PIKFYVE: variants seen among roughly 807,000 people sequenced by gnomAD.
PIKFYVE encodes 1-phosphatidylinositol 3-phosphate 5-kinase.
In PIKFYVE, 122 loss-of-function variants were observed where a neutral mutation model predicts 257.9. That is an observed-to-expected ratio of 0.47 (90% CI 0.41 to 0.55). The LOEUF is 0.55. Among genes scored for constraint, PIKFYVE ranks in the 20% least tolerant of loss-of-function variants. The pLI, the probability that PIKFYVE is intolerant of heterozygous loss-of-function variation, is 0.00. For missense variants in PIKFYVE, 2,160 were observed against 2,536.6 expected (o/e 0.85, Z 3.19); for synonymous variants, 892 against 868.9 (o/e 1.03, Z -0.47).
At chr2:208,291,368 G>GT (rs1263895393) in intron 7 of PIKFYVE, among the ~76,000 whole-genome samples, 1 of 152,058 alleles carries the variant, frequency 6.6e-6, no homozygotes, top group Admixed American at 6.6e-5. Flanking sequence ...GGTTTATATA[G>GT]TTTTTTATAC....
chr2:208,287,319 G>A (rs1691708029), intron 6 of PIKFYVE, among the ~76,000 whole-genome samples: 1 of 148,834 alleles, frequency 6.7e-6, no homozygotes, highest in Non-Finnish European at 1.5e-5. Context: ...TGTTGCCCAG[G>A]TTGGAGTGCA....
chr2:208,311,754 A>G (rs758636675), intron 12 of PIKFYVE, among the ~76,000 whole-genome samples: 22 of 152,106 alleles, frequency 1.4e-4, no homozygotes, highest in Non-Finnish European at 2.4e-4. Context: ...TTCTGTATTA[A>G]TTTGTTTTAT....
At chr2:208,290,014 CAG>C (rs1692094025) in intron 7 of PIKFYVE, among the ~76,000 whole-genome samples, 1 of 152,034 alleles carries the variant, frequency 6.6e-6, no homozygotes, top group African/African-American at 2.4e-5. Flanking sequence ...GCAGAAAGTA[CAG>C]AGAGTTCCCC....
chr2:208,338,460 T>C, intron 28 of PIKFYVE, 48 bp from the exon 29 acceptor site: 2 of 1,582,652 alleles, frequency 1.3e-6, no homozygotes, highest in South Asian at 2.2e-5. Context: ...ATTTTTTGAA[T>C]GTGATTTTCA....
Position 208,301,034 on chromosome 2 carries a change from A to G in PIKFYVE, c.1148A>G (p.Asn383Ser), listed in dbSNP as rs375407693. 1.7e-5 allele frequency: 28 copies of G among 1,614,056 alleles called. No homozygotes were observed. The highest frequency in any genetic ancestry group is 1.6e-4 in the Middle Eastern group (1 of 6,084). The change falls in exon 9 of 42, where the codon AAC (asparagine) becomes AGC (serine). Residue 383 changes from asparagine to serine, a missense_variant. Around this residue, in one of 12 missense-constraint regions of PIKFYVE, gnomAD observed 90 missense variants for 110.6 expected, o/e 0.81. Coordinates refer to ENST00000264380, the MANE Select transcript of PIKFYVE (RefSeq NM_015040.4). ...CGCTACTGGTTGAGAACGCATCCCA[A>G]CTGCATTGTAGGAAAGGAATTAGTC... ...DHRYWLRTHP[N>S]CIVGKELVNW...
At chr2:208,302,480 G>A in intron 10 of PIKFYVE, 127 bp downstream of exon 10, 1 of 970,826 alleles carries the variant, frequency 1.0e-6, no homozygotes. Context: ...GCTGTTTGAG[G>A]AAAGTTAAAA....
intron 10 of PIKFYVE, among the ~76,000 whole-genome samples, chr2:208,302,801 TGGGTA>T (rs1693853068): frequency 6.6e-6 from 1 of 152,108 alleles, no homozygotes; most frequent in African/African-American, 2.4e-5. Context: ...TGATGATGGC[TGGGTA>T]CGGTGGCTCA....
At chr2:208,286,016 TACC>T in intron 6 of PIKFYVE, 83 bp downstream of exon 6, 1 of 1,315,460 alleles carries the variant, frequency 7.6e-7, no homozygotes, top group Non-Finnish European at 1.1e-6. Context: ...AGTTAACACT[TACC>T]CTCTTAGAAT....
At chr2:208,346,021 A>ATT in intron 33 of PIKFYVE, 29 bp from the exon 34 acceptor site, 1 of 1,556,488 alleles carries the variant, frequency 6.4e-7, no homozygotes, top group Non-Finnish European at 8.9e-7. Context: ...ATAAAACTAA[A>ATT]TTTTTCTTTT....
intron 14 of PIKFYVE, among the ~76,000 whole-genome samples, chr2:208,314,976 T>C (rs947424575): frequency 6.6e-6 from 1 of 152,136 alleles, no homozygotes; most frequent in East Asian, 1.9e-4. Context: ...TTTCAGTCAA[T>C]TGCAGGGGAC....
intron 7 of PIKFYVE, 47 bp from the exon 8 acceptor site, chr2:208,298,594 G>A (rs564939380): frequency 6.2e-7 from 1 of 1,604,928 alleles, no homozygotes; most frequent in East Asian, 2.2e-5. Context: ...TCTGTTTATT[G>A]AAGAAGAATT....
chr2:208,353,909 GA>G lies in PIKFYVE; in HGVS notation c.5858del (p.Lys1953ArgfsTer9). 6.2e-7 allele frequency: 1 copy of G among 1,613,698 alleles called. No homozygotes were observed. The highest frequency in any genetic ancestry group is 8.5e-7 in the Non-Finnish European group (1 of 1,179,828). On this transcript the variant is annotated frameshift_variant, in exon 40 of 42. Coordinates refer to ENST00000264380, the MANE Select transcript of PIKFYVE (RefSeq NM_015040.4). LOFTEE classifies it high-confidence loss of function. The stretch of plus-strand genomic sequence containing the variant: ...TTTCTTTTTACTAGGTTTTTGATTT[GA>G]AGGGCTCTCTTAGGAATCGGAATGT... The part of the protein sequence containing the change: ...GRKMAQVFDL[K>X]GSLRNRNVKT...
In PIKFYVE at chr2:208,298,734, A is replaced by G. The variant is rs149827565; in HGVS notation, c.1005A>G (p.Thr335=). 3.5e-5 allele frequency: 57 copies of G among 1,614,192 alleles called. No individual in the cohort carries two copies. In the African/African-American group the frequency reaches 7.2e-4, roughly 20 times the overall value. ...CTGTCAGTCCCCAGGCTAACCGAACATATGTTAGGACAGAGACCACTGAGG... is the reference window on the plus strand; with the variant it reads ...CTGTCAGTCCCCAGGCTAACCGAACGTATGTTAGGACAGAGACCACTGAGG... ...ETSVSPQANR[T]YVRTETTEDE... The change falls in exon 8 of 42, where the codon ACA becomes ACG. Residue 335 remains threonine, a synonymous_variant. Coordinates refer to ENST00000264380, the MANE Select transcript of PIKFYVE (RefSeq NM_015040.4).
chr2:208,351,267 A>G, intron 37 of PIKFYVE, 85 bp from the exon 38 acceptor site: 1 of 1,135,394 alleles, frequency 8.8e-7, no homozygotes, highest in Non-Finnish European at 1.3e-6. Flanking sequence ...AAAACAACCT[A>G]ATCATTTAGG....
At position 208,314,202 on chromosome 2, in the gene PIKFYVE, T is replaced by C. The variant is rs1336547144; in HGVS notation, c.1697-92T>C. On this transcript the variant is annotated intron_variant, in intron 13 of 41. Transcript: ENST00000264380. ...ATTTATGTTGGCTAACTTAAAACAT[T>C]TATAAAGACAAAGGGCAATTTCTAA... is the stretch of plus-strand genomic sequence containing the variant. The C allele has an allele frequency of 2.1e-6, 3 of 1,424,864 alleles. No individual in the cohort carries two copies. In the East Asian group the frequency reaches 6.9e-5, roughly 33 times the overall value. 88.3% of individuals were successfully genotyped at this position (1,424,864 alleles called of 1,614,324 possible).
chr2:208,328,106 T>C, intron 20 of PIKFYVE, 74 bp from the exon 21 acceptor site: 1 of 1,608,636 alleles, frequency 6.2e-7, no homozygotes, highest in Admixed American at 1.7e-5. Flanking sequence ...ACAAATAGAG[T>C]GGAGTGTGTT....
chr2:208,358,722 TAAC>T lies in PIKFYVE; in HGVS notation c.*3420_*3422del, dbSNP rs1700305803. On this transcript the variant is annotated 3_prime_UTR_variant, in exon 42 of 42. Coordinates refer to ENST00000264380, the MANE Select transcript of PIKFYVE (RefSeq NM_015040.4). ...ACTTGTACTGTAAATAAAGAAATCT[TAAC>T]AATAAACTCAGAATCTACTTACTCC... is the stretch of plus-strand genomic sequence containing the variant. 6.6e-6 allele frequency: 1 copy of T among 152,636 alleles called. No individual in the cohort carries two copies. Among genetic ancestry groups the T allele is most frequent in the African/African-American group, 2.4e-5 (1 of 41,450 alleles). 9.5% of individuals were successfully genotyped at this position (152,636 alleles called of 1,614,324 possible).
Position 208,311,031 on chromosome 2 carries a change from CG to C in PIKFYVE, c.1637-1199del, listed in dbSNP as rs1559101067. Among the ~76,000 whole-genome samples the C allele has an allele frequency of 7.2e-5, 11 of 151,986 alleles. No individual in the cohort carries two copies. The South Asian group carries it at 2.3e-3, about 31-fold the overall frequency. ...CATGATGTGTGTAACTTTGAATGAT[CG>C]GGGGGAAGAAACATACACATATATG... On this transcript the variant is annotated intron_variant, in intron 12 of 41. Transcript: ENST00000264380.
intron 32 of PIKFYVE, among the ~76,000 whole-genome samples, chr2:208,343,703 A>G (rs993525870): frequency 5.3e-5 from 8 of 152,184 alleles, no homozygotes; most frequent in Non-Finnish European, 1.2e-4. Context: ...AGGAGGGACT[A>G]CTGCAATGCT....
Sources: allele counts gnomAD v4.1 joint callset (sites outside exome capture counted in the v4.1 genomes callset), GRCh38; gene constraint gnomAD v4.1.1; regional missense constraint gnomAD v4.1.1; transcripts MANE v1.5; gene names NCBI Gene and HGNC (gene_info 2026-07-23, HGNC 2026-07-21).